Variants in CNTN3 observed in about 807,000 individuals in gnomAD.
CNTN3 encodes the protein contactin 3.
A neutral mutation model predicts 119.1 loss-of-function variants in CNTN3; 60 were observed. That is an observed-to-expected ratio of 0.50 (90% CI 0.41 to 0.62). The LOEUF is 0.62. Ranked by LOEUF, CNTN3 falls within the 20% of genes least tolerant of loss-of-function variation. CNTN3 has a pLI of 0.00. For synonymous variants in CNTN3, 450 were observed against 438.7 expected (o/e 1.03, Z -0.32); for missense variants, 1,101 against 1,242.4 (o/e 0.89, Z 1.71).
At chr3:74,411,535 C>A (rs1435836160) in intron 5 of CNTN3, among the ~76,000 whole-genome samples, 4 of 152,098 alleles carry the variant, frequency 2.6e-5, no homozygotes, top group African/African-American at 9.7e-5. Flanking sequence ...AAGAAAGATG[C>A]ATTCTTGTTT....
At chr3:74,422,784 C>T (rs926603972) in intron 5 of CNTN3, among the ~76,000 whole-genome samples, 1 of 152,152 alleles carries the variant, frequency 6.6e-6, no homozygotes, top group Non-Finnish European at 1.5e-5. Flanking sequence ...TTGATACTTC[C>T]TTCCTAGATG....
In CNTN3 at chr3:74,368,726, A is replaced by G. The variant is rs78057080; in HGVS notation, c.946+463T>C. Among the ~76,000 whole-genome samples the G allele has an allele frequency of 9.1e-3, 1,381 of 152,210 alleles. 10 individuals are homozygous for G. Among genetic ancestry groups the G allele is most frequent in the East Asian group, 0.026 (134 of 5,168 alleles). Reference sequence around the variant, plus strand: ...GATACATTATTGGAAGGGATAGAATAACACTGAAGAACTCAACAAGAGCCA... The same window carrying G: ...GATACATTATTGGAAGGGATAGAATGACACTGAAGAACTCAACAAGAGCCA... On this transcript the variant is annotated intron_variant, in intron 8 of 22. Coordinates refer to ENST00000263665, the MANE Select transcript of CNTN3 (RefSeq NM_020872.3).
At position 74,428,001 on chromosome 3, in the gene CNTN3, G is replaced by A. The variant is rs377219474; in HGVS notation, c.359-3061C>T. Among the ~76,000 whole-genome samples, 18 of 151,972 alleles carry A rather than the reference G, an allele frequency of 1.2e-4. No homozygotes were observed. The East Asian group carries it at 2.9e-3, about 25-fold the overall frequency. ...GTCATATGCTGTAGAACAATGTTTC[G>A]GTAAATGCTGGACCACATATATGGC... On this transcript the variant is annotated intron_variant, in intron 4 of 22. Transcript: ENST00000263665.
chr3:74,378,833 A>G (rs1277037528), intron 5 of CNTN3, among the ~76,000 whole-genome samples: 2 of 152,164 alleles, frequency 1.3e-5, no homozygotes, highest in East Asian at 3.9e-4. Context: ...GTCTTATTTT[A>G]TTTTTTCCCT....
At chr3:74,376,596 G>A (rs995952298) in intron 5 of CNTN3, among the ~76,000 whole-genome samples, 2 of 152,126 alleles carry the variant, frequency 1.3e-5, no homozygotes, top group African/African-American at 4.8e-5. Flanking sequence ...ATTACAGTGA[G>A]TTGTATAATT....
chr3:74,529,750 G>A, intron 1 of CNTN3, among the ~76,000 whole-genome samples: 1 of 151,922 alleles, frequency 6.6e-6, no homozygotes, highest in South Asian at 2.1e-4. Context: ...GAGTTGAATA[G>A]AAAAAGGTAA....
chr3:74,574,462 A>T (rs972247883), intron 1 of CNTN3, among the ~76,000 whole-genome samples: 1 of 152,212 alleles, frequency 6.6e-6, no homozygotes, highest in Non-Finnish European at 1.5e-5. Flanking sequence ...AGAACATTTT[A>T]TCAAAACTGA....
At chr3:74,350,946 C>T (rs1451813601) in intron 11 of CNTN3, among the ~76,000 whole-genome samples, 1 of 151,978 alleles carries the variant, frequency 6.6e-6, no homozygotes, top group Admixed American at 6.6e-5. Flanking sequence ...AGCAGGGAGA[C>T]CAGGATTGAA....
rs747572765 is a variant in CNTN3 at position 74,299,821 on chromosome 3, T to G, written c.2166+47A>C. 5 of 1,503,484 alleles carry G rather than the reference T, an allele frequency of 3.3e-6. No homozygotes were observed. The South Asian group carries it at 6.0e-5, about 18-fold the overall frequency. 93.1% of individuals were successfully genotyped at this position (1,503,484 alleles called of 1,614,324 possible). The stretch of plus-strand genomic sequence containing the variant: ...ACCACCTGGGAAGCCATAATGATCA[T>G]GGGAACAGCAAGACCCTGATGGGGA... On this transcript the variant is annotated intron_variant, in intron 17 of 22. Transcript: ENST00000263665.
chr3:74,334,810 G>A lies in CNTN3; in HGVS notation c.1593C>T (p.Ile531=). The change falls in exon 13 of 23, where the codon ATC becomes ATT. Residue 531 remains isoleucine (I), a synonymous_variant. Transcript: ENST00000263665. ...CQVQHDPLLD[I]IFTWYFNGAL... ...CCCCATTGAAATACCAGGTAAAGAT[G>A]ATGTCTAACAGCGGGTCATGTTGTA... The A allele has an allele frequency of 2.5e-6, 4 of 1,613,548 alleles. 1 individual carries two copies. In the South Asian group the frequency reaches 4.4e-5, roughly 18 times the overall value.
intron 5 of CNTN3, among the ~76,000 whole-genome samples, chr3:74,396,797 G>GA (rs1385144246): frequency 6.7e-6 from 1 of 148,830 alleles, no homozygotes; most frequent in East Asian, 2.0e-4. Flanking sequence ...CTGTAGAAGA[G>GA]AAGTTGGAAG....
chr3:74,578,761 C>T (rs566333351), intron 1 of CNTN3, among the ~76,000 whole-genome samples: 16 of 152,154 alleles, frequency 1.1e-4, no homozygotes, highest in Middle Eastern at 3.4e-3. Flanking sequence ...TTCGTCCCTT[C>T]CTCAAAAGGA....
chr3:74,319,030 G>T (rs1101694), intron 13 of CNTN3, among the ~76,000 whole-genome samples: 43,587 of 151,990 alleles, frequency 0.29, 6,897 homozygotes, highest in East Asian at 0.68. Flanking sequence ...ACAAACAAAT[G>T]GAAGAACATT....
intron 5 of CNTN3, among the ~76,000 whole-genome samples, chr3:74,382,457 C>CAT (rs1704644681): frequency 6.6e-6 from 1 of 152,050 alleles, no homozygotes; most frequent in African/African-American, 2.4e-5. Flanking sequence ...CTCAAAAACA[C>CAT]GTCCCTCCTA....
chr3:74,601,073 A>G, intron 1 of CNTN3, among the ~76,000 whole-genome samples: 1 of 150,132 alleles, frequency 6.7e-6, no homozygotes, highest in East Asian at 2.0e-4. Context: ...TATGTCCTAT[A>G]TTTTTATATT....
rs71129738 is a variant in CNTN3 at position 74,285,790 on chromosome 3, G to GATATATAT, written c.2518-307_2518-300dup. On this transcript the variant is annotated intron_variant, in intron 19 of 22. Transcript: ENST00000263665. ...ATTATAAGTGGGAGAATGAAGGGGA[G>GATATATAT]ATATATATATATATATATATATATA... 3.4e-3 allele frequency among the ~76,000 whole-genome samples: 192 copies of GATATATAT among 56,508 alleles called. 2 individuals carry two copies. Among genetic ancestry groups the GATATATAT allele is most frequent in the Non-Finnish European group, 5.5e-3 (138 of 24,874 alleles). The allele number at this position is 56,508 out of a possible 152,430, so 37.1% of individuals were successfully genotyped here. A position where few individuals can be genotyped will look rare whatever the true frequency, so the allele number is the denominator to read the frequency against.
intron 3 of CNTN3, among the ~76,000 whole-genome samples, chr3:74,490,327 C>A (rs1702939432): frequency 6.6e-6 from 1 of 152,158 alleles, no homozygotes. Flanking sequence ...ACTCTCATGA[C>A]AAAGGGCACT....
intron 1 of CNTN3, among the ~76,000 whole-genome samples, chr3:74,578,969 A>T (rs1704459537): frequency 6.6e-6 from 1 of 152,090 alleles, no homozygotes; most frequent in Non-Finnish European, 1.5e-5. Flanking sequence ...AAAGGCAAAG[A>T]CTATCAGGGT....
At chr3:74,328,902 T>G (rs570605372) in intron 13 of CNTN3, among the ~76,000 whole-genome samples, 1 of 152,170 alleles carries the variant, frequency 6.6e-6, no homozygotes, top group African/African-American at 2.4e-5. Flanking sequence ...ATTCTCTTAA[T>G]AGTTATTTCA....
Sources: allele counts gnomAD v4.1 joint callset (sites outside exome capture counted in the v4.1 genomes callset), GRCh38; gene constraint gnomAD v4.1.1; transcripts MANE v1.5; gene names NCBI Gene and HGNC (gene_info 2026-07-23, HGNC 2026-07-21).